Variants in GRM2 observed in about 807,000 individuals in gnomAD.
The protein encoded by GRM2 is metabotropic glutamate receptor 2.
GRM2 carries 35 observed loss-of-function variants against 60.4 expected under a neutral mutation model. The ratio of observed to expected loss-of-function variants is 0.58; its 90% CI spans 0.44 to 0.77. The LOEUF is 0.77. Ranked by LOEUF, GRM2 falls within the 30% of genes least tolerant of loss-of-function variation. The pLI is 0.00. For missense variants in GRM2, 925 were observed against 1,199.5 expected (o/e 0.77, Z 3.38); for synonymous variants, 437 against 484.1 (o/e 0.90, Z 1.28).
chr3:51,715,522 CTT>C lies in GRM2; in HGVS notation c.1751_1752del (p.Phe584CysfsTer202). ...IACLGALATLFVLGVFVRHNA... is the reference protein window; with the variant it reads ...IACLGALATLXVLGVFVRHNA... ...CCTGCCTCGGTGCCCTGGCCACCCT[CTT>C]TGTGCTGGGTGTCTTTGTGCGGCAC... On this transcript the variant is annotated frameshift_variant, in exon 4 of 6. Transcript: ENST00000395052. LOFTEE classifies it high-confidence loss of function. This position sits in a 1 kb window ranked among gnomAD's most constrained non-coding sequence, Gnocchi z 9.0. The C allele has an allele frequency of 6.2e-7, 1 of 1,613,548 alleles. No individual in the cohort carries two copies. The highest frequency in any genetic ancestry group is 8.5e-7 in the Non-Finnish European group (1 of 1,180,036).
chr3:51,716,197 A>T lies in GRM2; in HGVS notation c.2364+60A>T. On this transcript the variant is annotated intron_variant, in intron 4 of 5. Transcript: ENST00000395052. This position sits in a 1 kb window ranked among gnomAD's most constrained non-coding sequence, Gnocchi z 4.0. ...GACACCAGACCCTCTGTTTCCTGGTATCTTATTTAATCTACTGGTAGCTCT... is the reference window on the plus strand; with the variant it reads ...GACACCAGACCCTCTGTTTCCTGGTTTCTTATTTAATCTACTGGTAGCTCT... The T allele has an allele frequency of 9.2e-7, 1 of 1,081,990 alleles. No individual in the cohort carries two copies. 67.0% of individuals were successfully genotyped at this position (1,081,990 alleles called of 1,614,324 possible).
Position 51,713,019 on chromosome 3 carries a change from A to C in GRM2, c.997A>C (p.Ser333Arg), listed in dbSNP as rs1234465899. Reference sequence around the variant, plus strand: ...CAGTGACTTTGCCTCCTACTTCCAGAGCCTGGACCCTTGGAACAACAGCCG... The same window carrying C: ...CAGTGACTTTGCCTCCTACTTCCAGCGCCTGGACCCTTGGAACAACAGCCG... ...PISDFASYFQ[S>R]LDPWNNSRNP... Residue 333 changes from serine to arginine, a missense_variant, in exon 3 of 6, where the codon AGC (serine) becomes CGC (arginine). Ser to Arg is a moderately radical substitution (Grantham distance 110). Transcript: ENST00000395052. This position sits in a 1 kb window ranked among gnomAD's most constrained non-coding sequence, Gnocchi z 4.8. The C allele has an allele frequency of 6.2e-7, 1 of 1,613,214 alleles. No individual in the cohort carries two copies. Among genetic ancestry groups the C allele is most frequent in the Admixed American group, 1.7e-5 (1 of 60,004 alleles).
At position 51,713,630 on chromosome 3, in the gene GRM2, C is replaced by T; in HGVS notation, c.1288+320C>T. 2 of 369,868 alleles carry T rather than the reference C, an allele frequency of 5.4e-6. No individual in the cohort carries two copies. Among genetic ancestry groups the T allele is most frequent in the African/African-American group, 2.0e-5 (1 of 48,846 alleles). The allele number at this position is 369,868 out of a possible 1,614,324, so 22.9% of individuals were successfully genotyped here. ...GGTGGAGACCAGGAGACCTCAAGCC[C>T]ATTCTCAGGCAGCACCAAGAGTTAG... On this transcript the variant is annotated intron_variant, in intron 3 of 5. Coordinates refer to ENST00000395052, the MANE Select transcript of GRM2 (RefSeq NM_000839.5). The surrounding 1 kb of genome is among the most constrained non-coding windows in gnomAD (Gnocchi z 4.8).
At position 51,713,719 on chromosome 3, in the gene GRM2, GTCTTTCTTTTTTCTTT is replaced by G. The variant is rs1461837690; in HGVS notation, c.1288+426_1288+441del. On this transcript the variant is annotated intron_variant, in intron 3 of 5. Coordinates refer to ENST00000395052, the MANE Select transcript of GRM2 (RefSeq NM_000839.5). This position sits in a 1 kb window ranked among gnomAD's most constrained non-coding sequence, Gnocchi z 4.8. ...CTATATTCACGGAAAATGTCTTTCT[GTCTTTCTTTTTTCTTT>G]TCTTTCTTTTTTCTTTCTTTCTTTC... 532 of 259,668 alleles carry G rather than the reference GTCTTTCTTTTTTCTTT, an allele frequency of 2.0e-3. 7 individuals are homozygous for G. Among genetic ancestry groups the G allele is most frequent in the African/African-American group, 0.011 (462 of 43,892 alleles). 16.1% of individuals were successfully genotyped at this position (259,668 alleles called of 1,614,324 possible). A position where few individuals can be genotyped will look rare whatever the true frequency, so the allele number is the denominator to read the frequency against.
In GRM2 at chr3:51,717,262, C is replaced by T. The variant is rs886573327; in HGVS notation, c.2365-375C>T. ...TCCATACCCATGCACCCTACACTCA[C>T]GCACACATACACTCACGCAGACACC... On this transcript the variant is annotated intron_variant, in intron 4 of 5. Transcript: ENST00000395052. The surrounding 1 kb of genome is among the most constrained non-coding windows in gnomAD (Gnocchi z 6.0). Among the ~76,000 whole-genome samples, 4 of 152,106 alleles carry T rather than the reference C, an allele frequency of 2.6e-5. No individual in the cohort carries two copies. Among genetic ancestry groups the T allele is most frequent in the Non-Finnish European group, 2.9e-5 (2 of 68,014 alleles).
Position 51,712,834 on chromosome 3 carries a change from G to C in GRM2, c.812G>C (p.Arg271Pro). ...PSARVAVLFT[R>P]SEDARELLAA... ...GCCCGCGTGGCTGTCCTGTTCACCC[G>C]TTCTGAGGATGCCCGGGAGCTGCTT... Residue 271 changes from arginine to proline, a missense_variant, in exon 3 of 6, where the codon CGT (arginine) becomes CCT (proline). By Grantham distance (103) the Arg-to-Pro change is moderately radical. Transcript: ENST00000395052. This position sits in a 1 kb window ranked among gnomAD's most constrained non-coding sequence, Gnocchi z 5.3. 6.2e-7 allele frequency: 1 copy of C among 1,612,896 alleles called. No homozygotes were observed. The highest frequency in any genetic ancestry group is 1.1e-5 in the South Asian group (1 of 91,086).
In GRM2 at chr3:51,713,488, G is replaced by T; in HGVS notation, c.1288+178G>T. On this transcript the variant is annotated intron_variant, in intron 3 of 5. Coordinates refer to ENST00000395052, the MANE Select transcript of GRM2 (RefSeq NM_000839.5). The surrounding 1 kb of genome is among the most constrained non-coding windows in gnomAD (Gnocchi z 4.8). ...CAGAGAGGACTCCAACTGAAGCTAC[G>T]GCTGAGGTTCCACTTTCTTCCAGAG... 3.4e-6 allele frequency: 2 copies of T among 594,738 alleles called. No individual in the cohort carries two copies. Among genetic ancestry groups the T allele is most frequent in the South Asian group, 4.2e-5 (2 of 47,528 alleles). 36.8% of individuals were successfully genotyped at this position (594,738 alleles called of 1,614,324 possible). A position where few individuals can be genotyped will look rare whatever the true frequency, so the allele number is the denominator to read the frequency against.
rs563494493 is a variant in GRM2 at position 51,712,478 on chromosome 3, C to T, written c.456C>T (p.Ala152=). ...CTTCTCTACTCCTCCCCCAGGTGGC[C>T]AACCTCTTGAGGCTATTTCAGATCC... The part of the protein sequence containing the change: ...GSYSDVSIQV[A]NLLRLFQIPQ... Residue 152 remains alanine (A), a synonymous_variant, in exon 3 of 6, where the codon GCC becomes GCT. Transcript: ENST00000395052. The surrounding 1 kb of genome is among the most constrained non-coding windows in gnomAD (Gnocchi z 5.3). 3 of 1,608,796 alleles carry T rather than the reference C, an allele frequency of 1.9e-6. No individual in the cohort carries two copies. Among genetic ancestry groups the T allele is most frequent in the East Asian group, 2.2e-5 (1 of 44,782 alleles).
Position 51,718,046 on chromosome 3 carries a change from C to T in GRM2, c.2553C>T (p.Gly851=). Reference sequence around the variant, plus strand: ...CTGGCTTCCTTTTCTTAGGGTCTGGCTCCCAGTTTGTCCCCACTGTTTGCA... The same window carrying T: ...CTGGCTTCCTTTTCTTAGGGTCTGGTTCCCAGTTTGTCCCCACTGTTTGCA... ...RASSSLGQGS[G]SQFVPTVCNG... The change falls in exon 6 of 6, where the codon GGC becomes GGT. Residue 851 remains glycine (G), a synonymous_variant. Coordinates refer to ENST00000395052, the MANE Select transcript of GRM2 (RefSeq NM_000839.5). This position sits in a 1 kb window ranked among gnomAD's most constrained non-coding sequence, Gnocchi z 4.2. 6.2e-7 allele frequency: 1 copy of T among 1,614,124 alleles called. No individual in the cohort carries two copies. Among genetic ancestry groups the T allele is most frequent in the Non-Finnish European group, 8.5e-7 (1 of 1,179,940 alleles).
intron 1 of GRM2, chr3:51,708,305 G>C (rs1703575068): frequency 6.6e-6 from 1 of 152,130 alleles, no homozygotes; most frequent in African/African-American, 2.4e-5. Context: ...AAGAACCAAA[G>C]GTTAGAACCC....
rs773043239 is a variant in GRM2, at chr3:51,717,861, G to A, written c.2545+44G>A. On this transcript the variant is annotated intron_variant, in intron 5 of 5. Transcript: ENST00000395052. This position sits in a 1 kb window ranked among gnomAD's most constrained non-coding sequence, Gnocchi z 6.0. ...CCTCTCTGCCTGTTCCCCTCTCCCT[G>A]TCCAGCTCCTTGGGTTGCTGAGATC... 2.5e-6 allele frequency: 4 copies of A among 1,576,440 alleles called. No homozygotes were observed. The South Asian group carries it at 3.3e-5, about 13-fold the overall frequency.
rs1703811272 is a variant in GRM2 at position 51,713,855 on chromosome 3, C to G, written c.1288+545C>G. 2.7e-6 allele frequency: 1 copy of G among 370,878 alleles called. No individual in the cohort carries two copies. The highest frequency in any genetic ancestry group is 8.2e-5 in the East Asian group (1 of 12,250). 23.0% of individuals were successfully genotyped at this position (370,878 alleles called of 1,614,324 possible). A position where few individuals can be genotyped will look rare whatever the true frequency, so the allele number is the denominator to read the frequency against. On this transcript the variant is annotated intron_variant, in intron 3 of 5. Coordinates refer to ENST00000395052, the MANE Select transcript of GRM2 (RefSeq NM_000839.5). This position sits in a 1 kb window ranked among gnomAD's most constrained non-coding sequence, Gnocchi z 4.8. ...CAATACAGCCTCCAACTCCTGGGCT[C>G]AAGCGATCCTTCTGCCTCAGTCTCC...
At position 51,712,441 on chromosome 3, in the gene GRM2, G is replaced by A. The variant is rs144476665; in HGVS notation, c.451-32G>A. 7.8e-5 allele frequency: 112 copies of A among 1,432,200 alleles called. No homozygotes were observed. Among genetic ancestry groups the A allele is most frequent in the African/African-American group, 6.2e-4 (44 of 71,544 alleles). The allele number at this position is 1,432,200 out of a possible 1,614,324, so 88.7% of individuals were successfully genotyped here. A position where few individuals can be genotyped will look rare whatever the true frequency, so the allele number is the denominator to read the frequency against. On this transcript the variant is annotated intron_variant, in intron 2 of 5. Coordinates refer to ENST00000395052, the MANE Select transcript of GRM2 (RefSeq NM_000839.5). This position sits in a 1 kb window ranked among gnomAD's most constrained non-coding sequence, Gnocchi z 5.3. ...CCTGTCTCTAGTGTTTGATCTGACC[G>A]CTGATCTTTGCCTTCTCTACTCCTC... is the stretch of plus-strand genomic sequence containing the variant.
rs143499566 is a variant in GRM2 at position 51,716,107 on chromosome 3, C to G, written c.2334C>G (p.Pro778=). ...TTCIIWLAFL[P]IFYVTSSDYR... is the part of the protein sequence containing the mutation. Reference sequence around the variant, plus strand: ...GCATCATCTGGCTGGCATTCCTGCCCATCTTCTATGTCACCTCCAGTGACT... The same window carrying G: ...GCATCATCTGGCTGGCATTCCTGCCGATCTTCTATGTCACCTCCAGTGACT... Residue 778 remains proline (P), a synonymous_variant, in exon 4 of 6, where the codon CCC becomes CCG. Transcript: ENST00000395052. The surrounding 1 kb of genome is among the most constrained non-coding windows in gnomAD (Gnocchi z 4.0). 1.4e-5 allele frequency: 23 copies of G among 1,613,372 alleles called. No homozygotes were observed. The African/African-American group carries it at 3.1e-4, about 22-fold the overall frequency.
intron 1 of GRM2, 139 bp from the exon 2 acceptor site, chr3:51,708,709 C>A (rs1265125979): frequency 2.5e-6 from 1 of 396,450 alleles, no homozygotes; most frequent in East Asian, 4.0e-5. Context: ...TCTCAACCTA[C>A]TTAATGACAC....
At position 51,715,958 on chromosome 3, in the gene GRM2, T is replaced by C; in HGVS notation, c.2185T>C (p.Leu729=). 1 of 1,614,114 alleles carries C rather than the reference T, an allele frequency of 6.2e-7. No individual in the cohort carries two copies. Among genetic ancestry groups the C allele is most frequent in the Non-Finnish European group, 8.5e-7 (1 of 1,180,026 alleles). Residue 729 remains leucine, a synonymous_variant, in exon 4 of 6, where the codon TTG becomes CTG. Coordinates refer to ENST00000395052, the MANE Select transcript of GRM2 (RefSeq NM_000839.5). The surrounding 1 kb of genome is among the most constrained non-coding windows in gnomAD (Gnocchi z 9.0). The part of the protein sequence containing the change: ...LRCNHRDASM[L]GSLAYNVLLI... ...CTGCAACCACCGCGATGCAAGTATG[T>C]TGGGCTCGCTGGCCTACAATGTGCT...
chr3:51,715,282 C>T lies in GRM2; in HGVS notation c.1509C>T (p.Pro503=). The T allele has an allele frequency of 2.5e-6, 4 of 1,610,934 alleles. No homozygotes were observed. The highest frequency in any genetic ancestry group is 3.4e-6 in the Non-Finnish European group (4 of 1,178,136). ...TGCCCGCCTCTCGCTGCAGTGAGCC[C>T]TGCCTCCAGAATGAGGTGAAGAGTG... ...GPLPASRCSE[P]CLQNEVKSVQ... Residue 503 remains proline (P), a synonymous_variant, in exon 4 of 6, where the codon CCC becomes CCT. Transcript: ENST00000395052. The surrounding 1 kb of genome is among the most constrained non-coding windows in gnomAD (Gnocchi z 9.0).
In GRM2 at chr3:51,707,119, C is replaced by G. The variant is rs1703538081; in HGVS notation, c.-185C>G. 6.6e-6 allele frequency: 1 copy of G among 152,298 alleles called. No homozygotes were observed. The highest frequency in any genetic ancestry group is 2.0e-4 in the South Asian group (1 of 5,048). 9.4% of individuals were successfully genotyped at this position (152,298 alleles called of 1,614,324 possible). On this transcript the variant is annotated 5_prime_UTR_variant, in exon 1 of 6. Coordinates refer to ENST00000395052, the MANE Select transcript of GRM2 (RefSeq NM_000839.5). ...CGAGCGAGCGGGAGCCGGAGCCTCG[C>G]GCCCCCCGCTCCACTCCGATTCTCT... is the stretch of plus-strand genomic sequence containing the variant.
chr3:51,716,335 C>T lies in GRM2; in HGVS notation c.2364+198C>T, dbSNP rs939430056. 1.3e-5 allele frequency among the ~76,000 whole-genome samples: 2 copies of T among 152,066 alleles called. No individual in the cohort carries two copies. The highest frequency in any genetic ancestry group is 2.4e-5 in the African/African-American group (1 of 41,404). On this transcript the variant is annotated intron_variant, in intron 4 of 5. Coordinates refer to ENST00000395052, the MANE Select transcript of GRM2 (RefSeq NM_000839.5). The surrounding 1 kb of genome is among the most constrained non-coding windows in gnomAD (Gnocchi z 4.0). ...GAAATGGCCAGGGAGGTGGGGAACT[C>T]GAGTTAGAGAGAGCTGAGATTTCAG...
Sources: gnomAD v4.1 joint callset for allele counts (sites outside exome capture counted in the v4.1 genomes callset) on GRCh38, gnomAD v4.1.1 for gene constraint, Gnocchi (gnomAD v3.1) non-coding constraint, MANE v1.5 for transcripts, NCBI Gene and HGNC (gene_info 2026-07-23, HGNC 2026-07-21) for gene names.